KLHL32: variants seen among roughly 807,000 people sequenced by gnomAD.
The protein encoded by KLHL32 is kelch like family member 32.
A neutral mutation model predicts 64.8 loss-of-function variants in KLHL32; 35 were observed. The ratio of observed to expected loss-of-function variants is 0.54; its 90% CI spans 0.41 to 0.72. KLHL32 has a LOEUF of 0.72. KLHL32 is among the 30% of genes least tolerant of loss of function. The pLI, the probability that KLHL32 is intolerant of heterozygous loss-of-function variation, is 0.00. For missense variants in KLHL32, 589 were observed against 768.5 expected (o/e 0.77, Z 2.76); for synonymous variants, 259 against 281.0 (o/e 0.92, Z 0.78).
intron 3 of KLHL32, among the ~76,000 whole-genome samples, chr6:97,010,440 T>A (rs942919798): frequency 3.3e-5 from 5 of 152,224 alleles, no homozygotes; most frequent in Middle Eastern, 3.2e-3. Flanking sequence ...AAATATTTTT[T>A]AAAACATTTA....
intron 4 of KLHL32, among the ~76,000 whole-genome samples, chr6:97,061,241 C>G (rs984910932): frequency 3.5e-4 from 54 of 152,260 alleles, no homozygotes; most frequent in African/African-American, 1.3e-3. Flanking sequence ...AGCCCCAGCT[C>G]TACAGGTGAG....
rs945907348 is a variant in KLHL32 at position 97,140,504 on chromosome 6, C to T, written c.*1222C>T. 7 of 151,896 alleles carry T rather than the reference C, an allele frequency of 4.6e-5. No individual in the cohort carries two copies. The highest frequency in any genetic ancestry group is 1.7e-4 in the African/African-American group (7 of 41,404). 9.4% of individuals were successfully genotyped at this position (151,896 alleles called of 1,614,324 possible). On this transcript the variant is annotated 3_prime_UTR_variant, in exon 11 of 11. Transcript: ENST00000369261. ...AGACTAGTTTTTGGGTTTGCTTTGT[C>T]TATAACAAAAAATAAATACAACAAC...
intron 3 of KLHL32, among the ~76,000 whole-genome samples, chr6:96,996,022 T>A (rs1778382696): frequency 6.6e-6 from 1 of 152,172 alleles, no homozygotes; most frequent in South Asian, 2.1e-4. Context: ...CCTCGAGTGG[T>A]GGGGACAAGT....
the KLHL32 span, among the ~76,000 whole-genome samples, chr6:96,910,207 C>A: frequency 1.3e-5 from 2 of 152,042 alleles, no homozygotes; most frequent in Non-Finnish European, 2.9e-5. Context: ...ACAGGGAGGT[C>A]CCACATATGA....
At chr6:96,971,844 TA>T (rs869214759) in intron 2 of KLHL32, among the ~76,000 whole-genome samples, 212 of 152,030 alleles carry the variant, frequency 1.4e-3, no homozygotes, top group East Asian at 4.8e-3. Flanking sequence ...TTAAAAAGGG[TA>T]AAAAAAAATT....
At chr6:97,108,927 C>T (rs900923656) in intron 6 of KLHL32, among the ~76,000 whole-genome samples, 1 of 152,154 alleles carries the variant, frequency 6.6e-6, no homozygotes, top group Non-Finnish European at 1.5e-5. Flanking sequence ...TCTGATAAGG[C>T]AGCAATTTAC....
chr6:97,136,300 T>C (rs1341212702), intron 10 of KLHL32, among the ~76,000 whole-genome samples: 1 of 152,204 alleles, frequency 6.6e-6, no homozygotes, highest in Non-Finnish European at 1.5e-5. Flanking sequence ...TCAACCACAG[T>C]GGGATGAAGC....
chr6:97,058,285 G>A (rs912351996), intron 4 of KLHL32, among the ~76,000 whole-genome samples: 3 of 152,164 alleles, frequency 2.0e-5, no homozygotes, highest in Admixed American at 6.6e-5. Flanking sequence ...AAATAACTGT[G>A]GGATTTTGAA....
chr6:96,998,209 A>C (rs1027874378), intron 3 of KLHL32, among the ~76,000 whole-genome samples: 8 of 152,214 alleles, frequency 5.3e-5, no homozygotes, highest in African/African-American at 1.9e-4. Flanking sequence ...CAAATACTAT[A>C]TGAATATTAA....
chr6:96,988,123 A>C (rs1360046706), intron 3 of KLHL32, among the ~76,000 whole-genome samples: 1 of 152,180 alleles, frequency 6.6e-6, no homozygotes, highest in African/African-American at 2.4e-5. Context: ...TAAACTAAAG[A>C]GCTTCTGCAC....
At chr6:96,958,733 A>G (rs940252963) in intron 1 of KLHL32, among the ~76,000 whole-genome samples, 11 of 152,140 alleles carry the variant, frequency 7.2e-5, no homozygotes, top group African/African-American at 1.4e-4. Flanking sequence ...GAGCTAGGCA[A>G]TGTTTCCCCA....
intron 9 of KLHL32, among the ~76,000 whole-genome samples, chr6:97,131,863 CG>C (rs1331313830): frequency 6.6e-6 from 1 of 152,094 alleles, no homozygotes; most frequent in African/African-American, 2.4e-5. Flanking sequence ...TGAGTTTTAG[CG>C]GTACCTTAGG....
At chr6:97,108,424 C>G (rs977533466) in intron 6 of KLHL32, among the ~76,000 whole-genome samples, 1 of 152,040 alleles carries the variant, frequency 6.6e-6, no homozygotes, top group Non-Finnish European at 1.5e-5. Context: ...TTTATGATGC[C>G]CCAATGATAA....
chr6:96,951,193 A>G (rs896571163), intron 1 of KLHL32, among the ~76,000 whole-genome samples: 5 of 152,144 alleles, frequency 3.3e-5, no homozygotes, highest in Non-Finnish European at 7.4e-5. Flanking sequence ...GGAGACTTCA[A>G]CAGGCTGAGT....
At chr6:97,053,868 G>C (rs1011985550) in intron 4 of KLHL32, among the ~76,000 whole-genome samples, 1 of 151,740 alleles carries the variant, frequency 6.6e-6, no homozygotes, top group Non-Finnish European at 1.5e-5. Flanking sequence ...TGTAGTCTGT[G>C]CATATACTAC....
At chr6:96,994,511 A>G (rs1778216707) in intron 3 of KLHL32, 2 of 985,320 alleles carry the variant, frequency 2.0e-6, no homozygotes, top group African/African-American at 1.7e-5. Context: ...TTGGCAGTTT[A>G]TTTTGAAGCT....
intron 5 of KLHL32, among the ~76,000 whole-genome samples, chr6:97,071,498 T>C (rs1790707459): frequency 6.6e-6 from 1 of 152,144 alleles, no homozygotes; most frequent in African/African-American, 2.4e-5. Flanking sequence ...CTCTCTTTCA[T>C]GCATCTGGGG....
intron 5 of KLHL32, 53 bp downstream of exon 5, chr6:97,064,779 T>C: frequency 7.0e-7 from 1 of 1,435,062 alleles, no homozygotes; most frequent in South Asian, 1.2e-5. Context: ...TTCCCCACAG[T>C]CATAAGCTGG....
At chr6:97,059,437 C>A (rs1224299798) in intron 4 of KLHL32, among the ~76,000 whole-genome samples, 1 of 152,198 alleles carries the variant, frequency 6.6e-6, no homozygotes, top group Non-Finnish European at 1.5e-5. Flanking sequence ...CTACTGAATT[C>A]TAGCCAGTAT....
Sources: allele counts gnomAD v4.1 joint callset (sites outside exome capture counted in the v4.1 genomes callset), GRCh38; gene constraint gnomAD v4.1.1; transcripts MANE v1.5; gene names NCBI Gene and HGNC (gene_info 2026-07-23, HGNC 2026-07-21).